The following SNTG2 variants were observed in gnomAD, a reference collection of about 807,000 sequenced individuals.
The protein encoded by SNTG2 is syntrophin gamma 2, also known as gamma-2-syntrophin.
SNTG2 carries 74 observed loss-of-function variants against 70.9 expected under a neutral mutation model. The ratio of observed to expected loss-of-function variants is 1.04; its 90% CI spans 0.86 to 1.27. SNTG2 has a LOEUF of 1.27. Ranked by LOEUF, SNTG2 falls within the 50% of genes most tolerant of loss-of-function variation. The pLI is 0.00. For synonymous variants in SNTG2, 278 were observed against 273.8 expected (o/e 1.02, Z -0.15); for missense variants, 717 against 690.7 (o/e 1.04, Z -0.43).
chr2:999,888 C>CT (rs1423397257), intron 1 of SNTG2, among the ~76,000 whole-genome samples: 1 of 151,864 alleles, frequency 6.6e-6, no homozygotes, highest in Non-Finnish European at 1.5e-5. Flanking sequence ...CAAAACAAGT[C>CT]TAAGTAAATT....
At chr2:1,227,467 A>G (rs756257168) in intron 9 of SNTG2, among the ~76,000 whole-genome samples, 1 of 152,234 alleles carries the variant, frequency 6.6e-6, no homozygotes, top group Admixed American at 6.5e-5. Context: ...GGAGCCGCCC[A>G]TGTGACTCTA....
intron 14 of SNTG2, among the ~76,000 whole-genome samples, chr2:1,281,726 G>C (rs558493483): frequency 6.6e-6 from 1 of 152,136 alleles, no homozygotes; most frequent in East Asian, 1.9e-4. Flanking sequence ...TCTGCATTTA[G>C]TAAAAAGCAA....
chr2:1,164,645 G>A (rs1027911559), intron 6 of SNTG2, among the ~76,000 whole-genome samples: 1 of 151,902 alleles, frequency 6.6e-6, no homozygotes, highest in Non-Finnish European at 1.5e-5. Context: ...AGGAGAGGGC[G>A]AGGTGGGATA....
At chr2:1,254,515 T>C (rs1677938015) in intron 12 of SNTG2, among the ~76,000 whole-genome samples, 1 of 131,782 alleles carries the variant, frequency 7.6e-6, no homozygotes. Flanking sequence ...GCAAGAATTA[T>C]TAGCAATTTA....
At position 1,321,770 on chromosome 2, in the gene SNTG2, C is replaced by T. The variant is rs57262517; in HGVS notation, c.1488+5395C>T. ...AAGAGCATAAACAATTAATATGATA[C>T]ATGTGAAGCACAACGCCCCCTTCCC... On this transcript the variant is annotated intron_variant, in intron 16 of 16. Coordinates refer to ENST00000308624, the MANE Select transcript of SNTG2 (RefSeq NM_018968.4). 5.6e-3 allele frequency among the ~76,000 whole-genome samples: 854 copies of T among 152,266 alleles called. 6 individuals are homozygous for T. Among genetic ancestry groups the T allele is most frequent in the African/African-American group, 0.019 (794 of 41,534 alleles).
At chr2:1,175,171 G>A (rs912537402) in intron 8 of SNTG2, among the ~76,000 whole-genome samples, 5 of 152,136 alleles carry the variant, frequency 3.3e-5, no homozygotes, top group Non-Finnish European at 7.3e-5. Context: ...AGAGTTCCAG[G>A]TGCATTTTTA....
At chr2:1,289,479 G>A (rs1679901339) in intron 14 of SNTG2, among the ~76,000 whole-genome samples, 1 of 152,016 alleles carries the variant, frequency 6.6e-6, no homozygotes, top group Non-Finnish European at 1.5e-5. Context: ...TCGTACCCTG[G>A]AAGCCCATGG....
At chr2:1,263,341 CTAT>C (rs1174143609) in intron 13 of SNTG2, among the ~76,000 whole-genome samples, 4 of 151,798 alleles carry the variant, frequency 2.6e-5, no homozygotes, top group African/African-American at 7.3e-5. Flanking sequence ...AATTATTGTC[CTAT>C]TATTAAGGTT....
intron 1 of SNTG2, among the ~76,000 whole-genome samples, chr2:980,807 TGAAAGACATTAACG>T (rs1277594516): frequency 1.3e-5 from 2 of 152,232 alleles, no homozygotes; most frequent in Non-Finnish European, 2.9e-5. Context: ...TCATTTTCCT[TGAAAGACATTAACG>T]GGTTAGATAA....
At chr2:1,299,174 G>A (rs939374044) in intron 14 of SNTG2, among the ~76,000 whole-genome samples, 9 of 152,216 alleles carry the variant, frequency 5.9e-5, no homozygotes, top group African/African-American at 1.9e-4. Context: ...GCAGGAACAT[G>A]CCCTGCACTG....
At chr2:1,030,390 T>TA (rs926284863) in intron 1 of SNTG2, among the ~76,000 whole-genome samples, 1 of 151,910 alleles carries the variant, frequency 6.6e-6, no homozygotes, top group Non-Finnish European at 1.5e-5. Flanking sequence ...ACAATTCAAT[T>TA]AAAAAAAGGG....
intron 1 of SNTG2, among the ~76,000 whole-genome samples, chr2:1,036,879 T>C (rs1454562335): frequency 2.0e-5 from 3 of 152,218 alleles, no homozygotes; most frequent in Admixed American, 2.0e-4. Flanking sequence ...CTGCGTCTTA[T>C]TAGCCTGGTG....
At chr2:1,070,992 C>T (rs982700937) in intron 1 of SNTG2, among the ~76,000 whole-genome samples, 6 of 152,046 alleles carry the variant, frequency 3.9e-5, no homozygotes, top group African/African-American at 7.2e-5. Flanking sequence ...GGGGGGTGGC[C>T]ACATTCAATG....
At chr2:1,308,410 A>AG in intron 14 of SNTG2, 84 bp from the exon 15 acceptor site, 1 of 1,256,224 alleles carries the variant, frequency 8.0e-7, no homozygotes, top group South Asian at 1.3e-5. Context: ...TTTTGACCAA[A>AG]GGGGGGTTAA....
At chr2:1,338,071 T>C (rs1156588421) in intron 16 of SNTG2, among the ~76,000 whole-genome samples, 1 of 152,200 alleles carries the variant, frequency 6.6e-6, no homozygotes, top group Non-Finnish European at 1.5e-5. Flanking sequence ...TCTGTATGTC[T>C]CTCTTTATAC....
At chr2:1,056,048 A>T (rs561177822) in intron 1 of SNTG2, among the ~76,000 whole-genome samples, 2 of 151,688 alleles carry the variant, frequency 1.3e-5, no homozygotes, top group Non-Finnish European at 2.9e-5. Flanking sequence ...TTCAGAGTGG[A>T]CACAGGGAGA....
intron 9 of SNTG2, among the ~76,000 whole-genome samples, chr2:1,229,941 C>G (rs540580391): frequency 4.6e-5 from 7 of 152,216 alleles, no homozygotes; most frequent in Non-Finnish European, 8.8e-5. Context: ...GGCCCGCAAG[C>G]GCCGCACGCA....
intron 11 of SNTG2, among the ~76,000 whole-genome samples, chr2:1,245,007 A>G (rs1413162487): frequency 6.6e-6 from 1 of 151,820 alleles, no homozygotes; most frequent in Non-Finnish European, 1.5e-5. Flanking sequence ...CATTCTCAGT[A>G]AACTATCGCA....
At chr2:1,272,021 C>A (rs945480246) in intron 14 of SNTG2, among the ~76,000 whole-genome samples, 2 of 152,110 alleles carry the variant, frequency 1.3e-5, no homozygotes, top group Non-Finnish European at 2.9e-5. Flanking sequence ...AGCAACGGTC[C>A]CAACCTTTAT....
Sources: allele counts gnomAD v4.1 joint callset (sites outside exome capture counted in the v4.1 genomes callset), GRCh38; gene constraint gnomAD v4.1.1; transcripts MANE v1.5; gene names NCBI Gene and HGNC (gene_info 2026-07-23, HGNC 2026-07-21).